Variants in PTPN4 observed in about 807,000 individuals in gnomAD.
PTPN4 encodes tyrosine-protein phosphatase non-receptor type 4.
A neutral mutation model predicts 135.5 loss-of-function variants in PTPN4; 49 were observed. The observed-to-expected ratio is 0.36, with a 90% CI of 0.29 to 0.46. The LOEUF (loss-of-function observed/expected upper bound fraction) is 0.46. Ranked by LOEUF, PTPN4 falls within the 20% of genes least tolerant of loss-of-function variation. The pLI is 1.00. For synonymous variants in PTPN4, 333 were observed against 369.9 expected, an observed-to-expected ratio of 0.90 and a Z score of 1.14; for missense variants, 860 against 1,101.0, an observed-to-expected ratio of 0.78 and a Z score of 3.10.
intron 9 of PTPN4, among the ~76,000 whole-genome samples, chr2:119,887,717 G>T (rs1405054550): frequency 4.6e-5 from 7 of 152,068 alleles, no homozygotes; most frequent in Admixed American, 6.5e-5. Flanking sequence ...GGGTTCTCTA[G>T]TCTGTCCTAT....
intron 6 of PTPN4, 110 bp from the exon 7 acceptor site, chr2:119,881,987 G>A (rs1477563917): frequency 1.7e-6 from 2 of 1,174,344 alleles, no homozygotes; most frequent in South Asian, 1.3e-5. Flanking sequence ...TTTCTTAACA[G>A]TTAAAATCAA....
intron 15 of PTPN4, among the ~76,000 whole-genome samples, chr2:119,944,187 CCTT>C (rs1219905091): frequency 6.6e-6 from 1 of 152,160 alleles, no homozygotes; most frequent in Non-Finnish European, 1.5e-5. Context: ...TTATACCTGT[CCTT>C]AGGCAATAAG....
At chr2:119,905,677 C>A (rs1467583799) in intron 10 of PTPN4, among the ~76,000 whole-genome samples, 1 of 152,176 alleles carries the variant, frequency 6.6e-6, no homozygotes, top group Non-Finnish European at 1.5e-5. Flanking sequence ...TTCACCTCAG[C>A]ACGTGAAACA....
At chr2:119,928,191 A>G (rs1678852844) in intron 13 of PTPN4, among the ~76,000 whole-genome samples, 1 of 152,160 alleles carries the variant, frequency 6.6e-6, no homozygotes, top group African/African-American at 2.4e-5. Flanking sequence ...TCAAAAATCT[A>G]GTCATTTATA....
intron 2 of PTPN4, among the ~76,000 whole-genome samples, chr2:119,859,656 C>T (rs932633725): frequency 6.6e-6 from 1 of 152,184 alleles, no homozygotes; most frequent in Admixed American, 6.5e-5. Context: ...CCGAACACCT[C>T]CTGCTACCAA....
At chr2:119,879,180 T>A (rs571105928) in intron 5 of PTPN4, among the ~76,000 whole-genome samples, 1 of 152,302 alleles carries the variant, frequency 6.6e-6, no homozygotes, top group Admixed American at 6.5e-5. Context: ...ATATTGTCAG[T>A]TAAAACTATG....
intron 15 of PTPN4, among the ~76,000 whole-genome samples, chr2:119,937,748 T>C (rs1478376879): frequency 6.6e-6 from 1 of 152,196 alleles, no homozygotes; most frequent in Non-Finnish European, 1.5e-5. Flanking sequence ...ATTTTCATTA[T>C]TTACCCTCCA....
chr2:119,885,382 C>T (rs1386260429), intron 8 of PTPN4, among the ~76,000 whole-genome samples: 1 of 152,154 alleles, frequency 6.6e-6, no homozygotes, highest in Non-Finnish European at 1.5e-5. Flanking sequence ...TGTCTGTGCA[C>T]CACACTCTGA....
At position 119,946,741 on chromosome 2, in the gene PTPN4, G is replaced by A. The variant is rs563400476; in HGVS notation, c.1656+167G>A. On this transcript the variant is annotated intron_variant, in intron 18 of 26. Transcript: ENST00000263708. Reference sequence around the variant, plus strand: ...GTTGCTGGGAAGTTAGTTTTGACTTGTTCTCTGTAAGTATTTAAAATCCCT... The same window carrying A: ...GTTGCTGGGAAGTTAGTTTTGACTTATTCTCTGTAAGTATTTAAAATCCCT... The A allele has an allele frequency of 6.0e-5, 34 of 570,484 alleles. No homozygotes were observed. The Admixed American group carries it at 1.2e-3, about 20-fold the overall frequency. The allele number at this position is 570,484 out of a possible 1,614,324, so 35.3% of individuals were successfully genotyped here.
intron 26 of PTPN4, among the ~76,000 whole-genome samples, chr2:119,974,175 TG>T (rs1373634161): frequency 6.6e-6 from 1 of 152,174 alleles, no homozygotes; most frequent in Non-Finnish European, 1.5e-5. Flanking sequence ...ATAGTTGATG[TG>T]TTTTAGCCCA....
At position 119,847,313 on chromosome 2, in the gene PTPN4, C is replaced by CAT. The variant is rs1429354924; in HGVS notation, c.139-15222_139-15221insTA. ...ACACACACACACACACACACACACA[C>CAT]ACATATATATATATATTTTTTTTTT... On this transcript the variant is annotated intron_variant, in intron 2 of 26. Coordinates refer to ENST00000263708, the MANE Select transcript of PTPN4 (RefSeq NM_002830.4). Among the ~76,000 whole-genome samples, 688 of 109,132 alleles carry CAT rather than the reference C, an allele frequency of 6.3e-3. 6 individuals carry two copies. Among genetic ancestry groups the CAT allele is most frequent in the South Asian group, 9.8e-3 (31 of 3,160 alleles). The allele number at this position is 109,132 out of a possible 152,430, so 71.6% of individuals were successfully genotyped here.
At chr2:119,879,100 A>AG (rs1479813272) in intron 5 of PTPN4, among the ~76,000 whole-genome samples, 1 of 151,748 alleles carries the variant, frequency 6.6e-6, no homozygotes, top group African/African-American at 2.4e-5. Flanking sequence ...CTGAAAAAAA[A>AG]AAAAAACAAA....
chr2:119,779,751 A>AT (rs1690904427), intron 1 of PTPN4, among the ~76,000 whole-genome samples: 1 of 151,656 alleles, frequency 6.6e-6, no homozygotes, highest in African/African-American at 2.4e-5. Flanking sequence ...TAATTCTTTT[A>AT]TTTTTTGTTT....
At chr2:119,779,104 C>T (rs184767409) in intron 1 of PTPN4, among the ~76,000 whole-genome samples, 1 of 152,118 alleles carries the variant, frequency 6.6e-6, no homozygotes, top group Non-Finnish European at 1.5e-5. Context: ...GTTTTGGTAG[C>T]ACTATCCTAA....
intron 9 of PTPN4, among the ~76,000 whole-genome samples, chr2:119,891,699 G>A (rs1425651519): frequency 7.2e-5 from 11 of 152,082 alleles, no homozygotes; most frequent in South Asian, 2.1e-4. Flanking sequence ...TGACTTATTT[G>A]TATTGTTTTT....
At chr2:119,809,376 T>A (rs997879292) in intron 1 of PTPN4, among the ~76,000 whole-genome samples, 2 of 151,928 alleles carry the variant, frequency 1.3e-5, no homozygotes, top group Admixed American at 6.6e-5. Context: ...TTTTTTTTTT[T>A]AAACTTCTTG....
At position 119,814,988 on chromosome 2, in the gene PTPN4, ATCAG is replaced by A. The variant is rs1056454942; in HGVS notation, c.138+5001_138+5004del. 5.1e-4 allele frequency among the ~76,000 whole-genome samples: 78 copies of A among 152,276 alleles called. 1 individual carries two copies. The highest frequency in any genetic ancestry group is 4.8e-3 in the Admixed American group (73 of 15,294). On this transcript the variant is annotated intron_variant, in intron 2 of 26. Coordinates refer to ENST00000263708, the MANE Select transcript of PTPN4 (RefSeq NM_002830.4). ...ATATTAAACACTAGAAAATTATTTT[ATCAG>A]TCAAATTTAGAGTTGAGCACAATTA...
intron 11 of PTPN4, 89 bp downstream of exon 11, chr2:119,915,331 T>A: frequency 9.1e-7 from 1 of 1,099,454 alleles, no homozygotes. Flanking sequence ...TTAGTACAAG[T>A]GAAAGTGCAA....
At chr2:119,810,455 AT>A (rs1425714682) in intron 2 of PTPN4, among the ~76,000 whole-genome samples, 2 of 152,180 alleles carry the variant, frequency 1.3e-5, no homozygotes, top group African/African-American at 2.4e-5. Flanking sequence ...TTGTTTGCTC[AT>A]CGTTATTTGT....
Sources: allele counts gnomAD v4.1 joint callset (sites outside exome capture counted in the v4.1 genomes callset), GRCh38; gene constraint gnomAD v4.1.1; transcripts MANE v1.5; gene names NCBI Gene and HGNC (gene_info 2026-07-23, HGNC 2026-07-21).